ATP10B: variants seen among roughly 807,000 people sequenced by gnomAD.
The protein encoded by ATP10B is ATPase phospholipid transporting 10B (putative), also known as phospholipid-transporting ATPase VB.
Under a neutral mutation model 141.2 loss-of-function variants are expected in ATP10B, and 122 were observed. The ratio of observed to expected loss-of-function variants is 0.86; its 90% confidence interval spans 0.75 to 1.00. The LOEUF is 1.00. ATP10B is among the 50% of genes least tolerant of loss of function. The probability of loss-of-function intolerance (pLI) is 0.00; values close to 1 mark genes in which losing one functional copy is unlikely to be tolerated. For missense variants in ATP10B, 1,876 were observed against 1,825.3 expected (o/e 1.03, Z -0.51); for synonymous variants, 685 against 692.0 (o/e 0.99, Z 0.16).
intron 7 of ATP10B, among the ~76,000 whole-genome samples, chr5:160,649,822 T>C (rs1367385618): frequency 1.3e-5 from 2 of 152,064 alleles, no homozygotes; most frequent in Non-Finnish European, 2.9e-5. Context: ...GGGTTTTAAA[T>C]ATATATATCC....
upstream of ATP10B, among the ~76,000 whole-genome samples, chr5:160,854,479 A>G (rs1182886047): frequency 6.6e-6 from 1 of 152,130 alleles, no homozygotes; most frequent in Non-Finnish European, 1.5e-5. Context: ...AGCTTCATCC[A>G]TGTCCCTGCA....
intron 3 of ATP10B, among the ~76,000 whole-genome samples, chr5:160,694,648 G>A (rs1206220551): frequency 6.6e-6 from 1 of 152,106 alleles, no homozygotes; most frequent in Non-Finnish European, 1.5e-5. Flanking sequence ...ATTTTAATGA[G>A]CCCAAATAAA....
intron 24 of ATP10B, among the ~76,000 whole-genome samples, chr5:160,586,244 C>T (rs568488893): frequency 2.8e-4 from 42 of 152,212 alleles, no homozygotes; most frequent in Non-Finnish European, 5.9e-4. Context: ...TTTTCTGTTC[C>T]TGTGTTAGTT....
rs559294623 is a variant in ATP10B, at chr5:160,674,565, A to T, written c.471-3898T>A. On this transcript the variant is annotated intron_variant, in intron 6 of 25. Coordinates refer to ENST00000327245, the MANE Select transcript of ATP10B (RefSeq NM_025153.3). The stretch of plus-strand genomic sequence containing the variant: ...ATAATTGCCTGTCTTTTCTTTAGAC[A>T]TAATCCTCTCTTCCTTAGGATCGCA... Among the ~76,000 whole-genome samples, 11 of 152,330 alleles carry T rather than the reference A, an allele frequency of 7.2e-5. No individual in the cohort carries two copies. In the South Asian group the frequency reaches 2.3e-3, roughly 32 times the overall value.
chr5:160,871,835 C>CA, the ATP10B span, among the ~76,000 whole-genome samples: 1 of 151,896 alleles, frequency 6.6e-6, no homozygotes, highest in Non-Finnish European at 1.5e-5. Flanking sequence ...AATGTGTGTG[C>CA]GTTTTTTTAT....
intron 2 of ATP10B, among the ~76,000 whole-genome samples, chr5:160,731,702 C>A (rs1408636483): frequency 1.3e-5 from 2 of 152,146 alleles, no homozygotes; most frequent in Non-Finnish European, 2.9e-5. Flanking sequence ...GGGGACGATA[C>A]TCACTATAGA....
chr5:160,592,115 T>G (rs1354874159), intron 22 of ATP10B, among the ~76,000 whole-genome samples: 1 of 152,132 alleles, frequency 6.6e-6, no homozygotes, highest in Non-Finnish European at 1.5e-5. Context: ...TCTCTGGGCC[T>G]CCTAGGATGC....
intron 2 of ATP10B, among the ~76,000 whole-genome samples, chr5:160,750,685 C>T (rs1581461657): frequency 6.6e-6 from 1 of 152,156 alleles, no homozygotes; most frequent in East Asian, 1.9e-4. Context: ...GCTTTAATGG[C>T]TCCTTATTAC....
At chr5:160,883,550 A>G in the ATP10B span, among the ~76,000 whole-genome samples, 30 of 152,324 alleles carry the variant, frequency 2.0e-4, no homozygotes, top group South Asian at 5.8e-3. Flanking sequence ...GAAGTATAAC[A>G]AAAGTAACAT....
intron 1 of ATP10B, among the ~76,000 whole-genome samples, chr5:160,850,764 A>G (rs4504420): frequency 6.6e-6 from 1 of 151,916 alleles, no homozygotes; most frequent in Non-Finnish European, 1.5e-5. Flanking sequence ...GTGATGTTAT[A>G]CTGCTATACT....
At chr5:160,729,174 C>T (rs546948689) in intron 2 of ATP10B, among the ~76,000 whole-genome samples, 53 of 150,438 alleles carry the variant, frequency 3.5e-4, no homozygotes, top group African/African-American at 1.2e-3. Context: ...AATCTGACAG[C>T]ATGGAATGAT....
the ATP10B span, among the ~76,000 whole-genome samples, chr5:160,879,537 TAAAAA>T: frequency 7.4e-6 from 1 of 134,884 alleles, no homozygotes; most frequent in Non-Finnish European, 1.6e-5. Flanking sequence ...AAAGTAAAAT[TAAAAA>T]AAAAAAAAAA....
chr5:160,668,468 A>G (rs1004915533), intron 7 of ATP10B, among the ~76,000 whole-genome samples: 1 of 152,226 alleles, frequency 6.6e-6, no homozygotes, highest in Non-Finnish European at 1.5e-5. Flanking sequence ...GAGCCCAGAA[A>G]CAGGCTGTTA....
intron 18 of ATP10B, among the ~76,000 whole-genome samples, chr5:160,609,089 A>G (rs937135566): frequency 1.3e-5 from 2 of 152,190 alleles, no homozygotes; most frequent in Non-Finnish European, 2.9e-5. Context: ...TCTTTAATCC[A>G]TCTTGAATTA....
chr5:160,878,616 A>C, the ATP10B span, among the ~76,000 whole-genome samples: 4 of 152,234 alleles, frequency 2.6e-5, no homozygotes, highest in East Asian at 7.7e-4. Context: ...AAATGGGAGA[A>C]AATTTTCACA....
intron 2 of ATP10B, among the ~76,000 whole-genome samples, chr5:160,777,994 C>T (rs1770457172): frequency 6.6e-6 from 1 of 152,028 alleles, no homozygotes; most frequent in Non-Finnish European, 1.5e-5. Context: ...TAAGGGGCAT[C>T]CACATGTGAA....
chr5:160,827,964 C>T (rs998954825), intron 1 of ATP10B, among the ~76,000 whole-genome samples: 1 of 152,060 alleles, frequency 6.6e-6, no homozygotes, highest in Non-Finnish European at 1.5e-5. Flanking sequence ...TGTTTTGGTA[C>T]AAGAACCATG....
chr5:160,834,749 G>A (rs1241990551), intron 1 of ATP10B, among the ~76,000 whole-genome samples: 2 of 152,098 alleles, frequency 1.3e-5, no homozygotes, highest in Non-Finnish European at 2.9e-5. Flanking sequence ...TACACTCCTT[G>A]TGGTATACGT....
chr5:160,898,315 C>T, the ATP10B span, among the ~76,000 whole-genome samples: 1 of 151,992 alleles, frequency 6.6e-6, no homozygotes, highest in Non-Finnish European at 1.5e-5. Flanking sequence ...AAAAACAACC[C>T]CCTCAAAATG....
Sources: gnomAD v4.1 joint callset for allele counts (sites outside exome capture counted in the v4.1 genomes callset) on GRCh38, gnomAD v4.1.1 for gene constraint, MANE v1.5 for transcripts, NCBI Gene and HGNC (gene_info 2026-07-23, HGNC 2026-07-21) for gene names.